The following TSHZ2 variants were observed in gnomAD, a reference collection of about 807,000 sequenced individuals.
TSHZ2 encodes teashirt zinc finger homeobox 2.
In TSHZ2, 21 loss-of-function variants were observed where a neutral mutation model predicts 74.4. The ratio of observed to expected loss-of-function variants is 0.28; its 90% CI spans 0.20 to 0.41. The LOEUF (loss-of-function observed/expected upper bound fraction) is 0.41, where lower values mean the gene tolerates loss of function less well. TSHZ2 is among the 10% of genes least tolerant of loss of function. TSHZ2 has a pLI of 1.00. For synonymous variants in TSHZ2, 540 were observed against 515.3 expected (o/e 1.05, Z -0.65); for missense variants, 1,244 against 1,293.5 (o/e 0.96, Z 0.59).
intron 2 of TSHZ2, among the ~76,000 whole-genome samples, chr20:53,323,529 C>T (rs1979359159): frequency 6.9e-6 from 1 of 144,328 alleles, no homozygotes; most frequent in Non-Finnish European, 1.5e-5. Flanking sequence ...TCTTTCTTCC[C>T]ATCAAAGCCA....
intron 2 of TSHZ2, among the ~76,000 whole-genome samples, chr20:53,411,405 A>T (rs559471228): frequency 6.6e-6 from 1 of 152,290 alleles, no homozygotes; most frequent in South Asian, 2.1e-4. Context: ...GGCAATTAGG[A>T]AACAGTGGTT....
At chr20:53,392,408 C>T (rs1982289388) in intron 2 of TSHZ2, among the ~76,000 whole-genome samples, 1 of 152,132 alleles carries the variant, frequency 6.6e-6, no homozygotes, top group Non-Finnish European at 1.5e-5. Flanking sequence ...TGTGCCACTG[C>T]ACTCCAGCCT....
rs142784665 is a variant in TSHZ2, at chr20:53,058,192, C to T, written c.40+84859C>T. 3.8e-3 allele frequency among the ~76,000 whole-genome samples: 581 copies of T among 152,196 alleles called. 5 individuals are homozygous for T. Among genetic ancestry groups the T allele is most frequent in the African/African-American group, 0.013 (520 of 41,534 alleles). ...CGGGCCATAAGACTCTCTGGCCCAC[C>T]GCTCACCACCTGCTGTGTGGCCTGG... On this transcript the variant is annotated intron_variant, in intron 1 of 2. Transcript: ENST00000371497.
Position 53,320,156 on chromosome 20 carries a change from G to A in TSHZ2, c.*8+63585G>A, listed in dbSNP as rs371639226. ...TTCATTGTGAACCTCAGCAAAGCAC[G>A]TACTGTGTGCCAGGCTTTGTCCTGA... On this transcript the variant is annotated intron_variant, in intron 2 of 2. Coordinates refer to ENST00000371497, the MANE Select transcript of TSHZ2 (RefSeq NM_173485.6). Among the ~76,000 whole-genome samples the A allele has an allele frequency of 1.1e-3, 173 of 152,300 alleles. 6 individuals carry two copies. In the South Asian group the frequency reaches 0.033, roughly 29 times the overall value.
At chr20:53,346,044 C>G (rs1294690734) in intron 2 of TSHZ2, among the ~76,000 whole-genome samples, 1 of 152,166 alleles carries the variant, frequency 6.6e-6, no homozygotes, top group African/African-American at 2.4e-5. Flanking sequence ...TCAAGGCAGA[C>G]TTGTGATTCT....
chr20:53,321,697 A>AAAAG (rs907248956), intron 2 of TSHZ2, among the ~76,000 whole-genome samples: 2 of 140,548 alleles, frequency 1.4e-5, no homozygotes, highest in African/African-American at 2.8e-5. Context: ...AAAAAAAAAA[A>AAAAG]AAAGAAAGAC....
chr20:53,382,630 G>A (rs980812208), intron 2 of TSHZ2, among the ~76,000 whole-genome samples: 2 of 152,214 alleles, frequency 1.3e-5, no homozygotes, highest in African/African-American at 2.4e-5. Flanking sequence ...ACGAGCCCTG[G>A]TGGCCTTTCT....
At chr20:53,212,367 G>A (rs1017545491) in intron 1 of TSHZ2, among the ~76,000 whole-genome samples, 1 of 152,140 alleles carries the variant, frequency 6.6e-6, no homozygotes, top group Non-Finnish European at 1.5e-5. Flanking sequence ...TTTAGAGTAG[G>A]TTCCCGCTAA....
rs749447914 is a variant in TSHZ2 at position 53,254,751 on chromosome 20, G to A, written c.1293G>A (p.Ser431=). 94 of 1,613,264 alleles carry A rather than the reference G, an allele frequency of 5.8e-5. No homozygotes were observed. In the Middle Eastern group the frequency reaches 6.6e-4, roughly 11 times the overall value. ...CGTTAGCAGTGGAGAAAATGCAGTC[G>A]TTGTCTGAGGCCCCAAACAGTGATT... ...LDPLAVEKMQ[S]LSEAPNSDSL... is the part of the protein sequence containing the mutation. Residue 431 remains serine, a synonymous_variant, in exon 2 of 3, where the codon TCG becomes TCA. Coordinates refer to ENST00000371497, the MANE Select transcript of TSHZ2 (RefSeq NM_173485.6).
At chr20:53,273,647 G>A (rs964749043) in intron 2 of TSHZ2, among the ~76,000 whole-genome samples, 4 of 152,280 alleles carry the variant, frequency 2.6e-5, no homozygotes, top group South Asian at 2.1e-4. Flanking sequence ...AAGAGGGTCA[G>A]GAGTGAAAGC....
chr20:53,128,382 G>C (rs867210859), intron 1 of TSHZ2, among the ~76,000 whole-genome samples: 2 of 152,102 alleles, frequency 1.3e-5, no homozygotes, highest in East Asian at 3.8e-4. Flanking sequence ...TTGTTTTCTT[G>C]TTCCGTACCT....
At chr20:53,185,363 T>C (rs896255734) in intron 1 of TSHZ2, 2 of 1,172,022 alleles carry the variant, frequency 1.7e-6, no homozygotes, top group African/African-American at 1.6e-5. Flanking sequence ...GCTCCAAAAT[T>C]GGTGATAGCC....
intron 1 of TSHZ2, among the ~76,000 whole-genome samples, chr20:53,214,609 A>AG (rs1431812914): frequency 1.3e-5 from 2 of 152,180 alleles, no homozygotes; most frequent in Non-Finnish European, 2.9e-5. Flanking sequence ...GCTACCTGGG[A>AG]GGATTAGGCA....
At chr20:53,356,790 C>G (rs1980862865) in intron 2 of TSHZ2, among the ~76,000 whole-genome samples, 1 of 152,216 alleles carries the variant, frequency 6.6e-6, no homozygotes, top group Non-Finnish European at 1.5e-5. Context: ...ATGAAGTAGA[C>G]TTACTATTCA....
chr20:53,254,391 C>T lies in TSHZ2; in HGVS notation c.933C>T (p.Thr311=). The change falls in exon 2 of 3, where the codon ACC becomes ACT. Residue 311 remains threonine (T), a synonymous_variant. Coordinates refer to ENST00000371497, the MANE Select transcript of TSHZ2 (RefSeq NM_173485.6). ...TGCCTTTGAAGGAGCCAGTCCCAACCATTTCCTCGAAAATGGTCACCCCGG... is the reference window on the plus strand; with the variant it reads ...TGCCTTTGAAGGAGCCAGTCCCAACTATTTCCTCGAAAATGGTCACCCCGG... ...QKVPLKEPVP[T]ISSKMVTPAK... 1 of 1,614,016 alleles carries T rather than the reference C, an allele frequency of 6.2e-7. No homozygotes were observed. Among genetic ancestry groups the T allele is most frequent in the South Asian group, 1.1e-5 (1 of 91,062 alleles).
At chr20:53,385,665 C>T (rs1033353734) in intron 2 of TSHZ2, among the ~76,000 whole-genome samples, 13 of 152,142 alleles carry the variant, frequency 8.5e-5, no homozygotes, top group Non-Finnish European at 1.9e-4. Context: ...CCCAGGGTTC[C>T]CAAGCCAAGC....
intron 2 of TSHZ2, among the ~76,000 whole-genome samples, chr20:53,468,711 TA>T (rs923987940): frequency 1.8e-5 from 2 of 111,310 alleles, no homozygotes; most frequent in African/African-American, 6.7e-5. Flanking sequence ...AAAAAAAAAC[TA>T]AAAAAACTCT....
chr20:53,472,461 A>C (rs6022509), intron 2 of TSHZ2, among the ~76,000 whole-genome samples: 30,667 of 152,110 alleles, frequency 0.2, 3,271 homozygotes, highest in East Asian at 0.29. Context: ...GTACAGAATA[A>C]GGATTGGGGG....
chr20:53,121,216 T>C (rs952094175), intron 1 of TSHZ2, among the ~76,000 whole-genome samples: 1 of 152,222 alleles, frequency 6.6e-6, no homozygotes, highest in Non-Finnish European at 1.5e-5. Flanking sequence ...GTATAACATG[T>C]GAAAGTATTT....
Sources: gnomAD v4.1 joint callset for allele counts (sites outside exome capture counted in the v4.1 genomes callset) on GRCh38, gnomAD v4.1.1 for gene constraint, MANE v1.5 for transcripts, NCBI Gene and HGNC (gene_info 2026-07-23, HGNC 2026-07-21) for gene names.